Variants in TSPO observed in about 807,000 individuals in gnomAD.
TSPO encodes the protein benzodiazepine peripheral binding site.
In TSPO, 14 loss-of-function variants were observed where a neutral mutation model predicts 13.9. That is an observed-to-expected ratio of 1.01 (90% CI 0.67 to 1.58). TSPO has a LOEUF of 1.58. Ranked by LOEUF, TSPO falls within the 40% of genes most tolerant of loss-of-function variation. The pLI, the probability that TSPO is intolerant of heterozygous loss-of-function variation, is 0.00. For missense variants in TSPO, 232 were observed against 229.6 expected, an observed-to-expected ratio of 1.01 and a Z score of -0.07; for synonymous variants, 114 against 105.9, an observed-to-expected ratio of 1.08 and a Z score of -0.47.
chr22:43,161,419 C>G (rs968729748), intron 3 of TSPO, among the ~76,000 whole-genome samples: 3 of 151,946 alleles, frequency 2.0e-5, no homozygotes, highest in Admixed American at 2.0e-4. Flanking sequence ...TTGGGGGCCA[C>G]TGTGTAGGAA....
intron 2 of TSPO, among the ~76,000 whole-genome samples, chr22:43,160,285 G>A (rs1931394152): frequency 6.6e-6 from 1 of 152,092 alleles, no homozygotes; most frequent in Admixed American, 6.6e-5. Context: ...GAAATTTTGG[G>A]GCTCCCTGTG....
Position 43,161,077 on chromosome 22 carries a change from G to A in TSPO, c.208G>A (p.Glu70Lys). Residue 70 changes from glutamate to lysine, a missense_variant, in exon 3 of 4, where the codon GAG (glutamate) becomes AAG (lysine). Glu to Lys is a moderately conservative substitution (Grantham distance 56). Transcript: ENST00000337554. ...MGYGSYLVWK[E>K]LGGFTEKAVV... ...GTACGGCTCCTACCTGGTCTGGAAA[G>A]AGCTGGGAGGCTTCACAGAGAAGGC... The A allele has an allele frequency of 6.2e-7, 1 of 1,614,140 alleles. No homozygotes were observed. The highest frequency in any genetic ancestry group is 8.5e-7 in the Non-Finnish European group (1 of 1,179,986).
Position 43,162,972 on chromosome 22 carries a change from G to A in TSPO, c.491G>A (p.Gly164Glu), listed in dbSNP as rs1281143085. The A allele has an allele frequency of 2.5e-6, 4 of 1,584,712 alleles. No homozygotes were observed. The African/African-American group carries it at 5.4e-5, about 21-fold the overall frequency. The change falls in exon 4 of 4, where the codon GGA (glycine) becomes GAA (glutamate). Residue 164 changes from glycine (G) to glutamate (E), a missense_variant. Transcript: ENST00000337554. ...CGGGACAACCATGGCTGGCGTGGGG[G>A]ACGGCGGCTGCCAGAGTGAGTGCCC... ...VWRDNHGWRG[G>E]RRLPE
chr22:43,154,040 C>A (rs1336844697), intron 1 of TSPO, among the ~76,000 whole-genome samples: 1 of 152,174 alleles, frequency 6.6e-6, no homozygotes, highest in African/African-American at 2.4e-5. Context: ...AGAACCAATT[C>A]CCCCTGGATA....
intron 3 of TSPO, 26 bp from the exon 4 acceptor site, chr22:43,162,777 C>T: frequency 6.6e-7 from 1 of 1,524,286 alleles, no homozygotes; most frequent in Non-Finnish European, 8.8e-7. Flanking sequence ...CAGGCCTCCC[C>T]ATCCTCCGTC....
intron 1 of TSPO, 122 bp from the exon 2 acceptor site, chr22:43,159,088 G>A (rs533394871): frequency 5.4e-5 from 41 of 756,480 alleles, no homozygotes; most frequent in East Asian, 2.2e-4. Context: ...ACATCTCTGC[G>A]CCTCCTGATC....
In TSPO at chr22:43,163,016, G is replaced by T; in HGVS notation, c.*25G>T. The stretch of plus-strand genomic sequence containing the variant: ...AGTGCCCGGCCCACCAGGGACTGCA[G>T]CTGCACCAGCAGGTGCCATCACGCT... On this transcript the variant is annotated 3_prime_UTR_variant, in exon 4 of 4. Transcript: ENST00000337554. 1.3e-6 allele frequency: 2 copies of T among 1,576,720 alleles called. No homozygotes were observed. Among genetic ancestry groups the T allele is most frequent in the Non-Finnish European group, 8.6e-7 (1 of 1,161,628 alleles).
rs930733534 is a variant in TSPO, at chr22:43,159,439, G to C, written c.182+19G>C. On this transcript the variant is annotated intron_variant, in intron 2 of 3. Transcript: ENST00000337554. ...CCATGGGGTAGGTGGGCGTGCACTG[G>C]CCTGGGGATAAGCCTGGCCCTTTGC... 2 of 1,483,074 alleles carry C rather than the reference G, an allele frequency of 1.3e-6. No homozygotes were observed. Among genetic ancestry groups the C allele is most frequent in the African/African-American group, 2.8e-5 (2 of 71,082 alleles). 91.9% of individuals were successfully genotyped at this position (1,483,074 alleles called of 1,614,324 possible).
At chr22:43,153,896 G>A (rs913611285) in intron 1 of TSPO, among the ~76,000 whole-genome samples, 1 of 151,990 alleles carries the variant, frequency 6.6e-6, no homozygotes, top group Non-Finnish European at 1.5e-5. Flanking sequence ...TGATTCTCCT[G>A]CCTCAGCCTG....
chr22:43,162,107 T>C (rs1489485047), intron 3 of TSPO, among the ~76,000 whole-genome samples: 1 of 146,444 alleles, frequency 6.8e-6, no homozygotes, highest in African/African-American at 2.6e-5. Context: ...TGCAGCACCA[T>C]GTCCAGCTAA....
At chr22:43,159,535 C>A (rs1033582672) in intron 2 of TSPO, 115 bp downstream of exon 2, 56 of 1,143,566 alleles carry the variant, frequency 4.9e-5, no homozygotes, top group Non-Finnish European at 6.2e-5. Context: ...GTTTCCCCAG[C>A]CCCATTTGGC....
chr22:43,159,570 C>T (rs1282469904), intron 2 of TSPO, 150 bp downstream of exon 2: 2 of 849,300 alleles, frequency 2.4e-6, no homozygotes, highest in Middle Eastern at 3.8e-4. Flanking sequence ...AAGCTGTGGG[C>T]CTGTCGATTG....
chr22:43,157,268 T>TGGAGGGCGGGGCA (rs1227833017), intron 1 of TSPO, among the ~76,000 whole-genome samples: 1 of 47,070 alleles, frequency 2.1e-5, no homozygotes, highest in African/African-American at 8.0e-5. Flanking sequence ...CCCTGGAAGC[T>TGGAGGGCGGGGCA]GGAGGGCGGG....
intron 1 of TSPO, among the ~76,000 whole-genome samples, chr22:43,158,591 C>T (rs1322926191): frequency 1.3e-5 from 2 of 152,064 alleles, no homozygotes; most frequent in Non-Finnish European, 2.9e-5. Flanking sequence ...GGGGAAGGGG[C>T]GGTGGTTTTA....
Position 43,159,298 on chromosome 22 carries a change from C to T in TSPO, c.60C>T (p.Phe20=), listed in dbSNP as rs755760336. ...GFTLAPSLGC[F]VGSRFVHGEG... is the part of the protein sequence containing the mutation. ...CGCTGGCGCCCAGCCTGGGGTGCTT[C>T]GTGGGCTCCCGCTTTGTCCACGGCG... Residue 20 remains phenylalanine (F), a synonymous_variant, in exon 2 of 4, where the codon TTC becomes TTT. Transcript: ENST00000337554. The T allele has an allele frequency of 9.7e-6, 15 of 1,552,244 alleles. No individual in the cohort carries two copies. The highest frequency in any genetic ancestry group is 2.4e-5 in the East Asian group (1 of 41,220).
intron 2 of TSPO, 55 bp downstream of exon 2, chr22:43,159,475 C>T: frequency 7.2e-7 from 1 of 1,391,870 alleles, no homozygotes; most frequent in Non-Finnish European, 9.4e-7. Context: ...AAGGGGAGGC[C>T]TGGCCCAGGA....
chr22:43,158,484 G>T (rs1387153770), intron 1 of TSPO, among the ~76,000 whole-genome samples: 1 of 152,180 alleles, frequency 6.6e-6, no homozygotes, highest in Non-Finnish European at 1.5e-5. Flanking sequence ...CTTTGTTTTT[G>T]GATGAGGTCA....
chr22:43,153,070 CTCTTTCTT>C (rs200097824), intron 1 of TSPO, among the ~76,000 whole-genome samples: 2 of 126,084 alleles, frequency 1.6e-5, no homozygotes, highest in Admixed American at 8.6e-5. Context: ...TTTCTTCTTT[CTCTTTCTT>C]TCTTTCTTTC....
In TSPO at chr22:43,161,066, T is replaced by C. The variant is rs1186977444; in HGVS notation, c.197T>C (p.Leu66Pro). ...LYSAMGYGSYLVWKELGGFTE... is the reference protein window; with the variant it reads ...LYSAMGYGSYPVWKELGGFTE... ...CTCTGTTTCAGGTACGGCTCCTACC[T>C]GGTCTGGAAAGAGCTGGGAGGCTTC... The change falls in exon 3 of 4, where the codon CTG becomes CCG. Residue 66 changes from leucine (L) to proline (P), a missense_variant. Physicochemically the swap from Leu to Pro is moderately conservative, Grantham distance 98. Transcript: ENST00000337554. 6.2e-7 allele frequency: 1 copy of C among 1,613,730 alleles called. No individual in the cohort carries two copies. Among genetic ancestry groups the C allele is most frequent in the Non-Finnish European group, 8.5e-7 (1 of 1,179,848 alleles).
Sources: allele counts gnomAD v4.1 joint callset (sites outside exome capture counted in the v4.1 genomes callset), GRCh38; gene constraint gnomAD v4.1.1; transcripts MANE v1.5; gene names NCBI Gene and HGNC (gene_info 2026-07-23, HGNC 2026-07-21).